Variants in MAP3K13 observed in about 807,000 individuals in gnomAD.
MAP3K13 encodes the protein leucine zipper-bearing kinase.
In MAP3K13, 52 loss-of-function variants were observed where a neutral mutation model predicts 104.0. That is an observed-to-expected ratio of 0.50 (90% CI 0.40 to 0.63). The LOEUF (loss-of-function observed/expected upper bound fraction) is 0.63, where lower values mean the gene tolerates loss of function less well. Ranked by LOEUF, MAP3K13 falls within the 20% of genes least tolerant of loss-of-function variation. MAP3K13 has a pLI of 0.00. For synonymous variants in MAP3K13, 394 were observed against 442.2 expected, an observed-to-expected ratio of 0.89 and a Z score of 1.37; for missense variants, 914 against 1,218.5, an observed-to-expected ratio of 0.75 and a Z score of 3.72.
intron 8 of MAP3K13, among the ~76,000 whole-genome samples, chr3:185,464,011 C>T (rs1717266220): frequency 6.6e-6 from 1 of 152,194 alleles, no homozygotes; most frequent in Non-Finnish European, 1.5e-5. Flanking sequence ...AGGCCAGGTG[C>T]AGTGGCTCAC....
chr3:185,406,768 CTT>C (rs1713136134), intron 1 of MAP3K13, among the ~76,000 whole-genome samples: 1 of 152,114 alleles, frequency 6.6e-6, no homozygotes, highest in Admixed American at 6.5e-5. Context: ...TTAATAATGA[CTT>C]ATTTTCATAT....
intron 7 of MAP3K13, among the ~76,000 whole-genome samples, chr3:185,455,704 A>ATATATAT: frequency 7.0e-5 from 1 of 14,186 alleles, no homozygotes; most frequent in African/African-American, 1.3e-4. Context: ...TATATATATG[A>ATATATAT]GATATATATG....
chr3:185,465,429 A>G (rs1287346915), intron 8 of MAP3K13, among the ~76,000 whole-genome samples: 1 of 152,210 alleles, frequency 6.6e-6, no homozygotes, highest in Non-Finnish European at 1.5e-5. Flanking sequence ...CTTTAACTGC[A>G]TATTTCCATT....
intron 1 of MAP3K13, among the ~76,000 whole-genome samples, chr3:185,407,723 A>C (rs1713194617): frequency 6.6e-6 from 1 of 151,996 alleles, no homozygotes; most frequent in Non-Finnish European, 1.5e-5. Context: ...TGCCCCTATT[A>C]ATCAGTTCCC....
At chr3:185,288,423 A>G (rs966706493) in intron 2 of MAP3K13, among the ~76,000 whole-genome samples, 1 of 150,664 alleles carries the variant, frequency 6.6e-6, no homozygotes, top group African/African-American at 2.4e-5. Context: ...GAGAGAATAT[A>G]TATATTCCAG....
chr3:185,409,772 T>C (rs1324320443), intron 1 of MAP3K13, among the ~76,000 whole-genome samples: 1 of 152,216 alleles, frequency 6.6e-6, no homozygotes, highest in Non-Finnish European at 1.5e-5. Flanking sequence ...AAATGTGGTA[T>C]ATGTACACAA....
intron 1 of MAP3K13, among the ~76,000 whole-genome samples, chr3:185,366,133 C>T (rs1055821404): frequency 6.6e-6 from 1 of 151,470 alleles, no homozygotes; most frequent in African/African-American, 2.4e-5. Flanking sequence ...AGACAACCGC[C>T]AATCTGCTTT....
intron 2 of MAP3K13, among the ~76,000 whole-genome samples, chr3:185,302,486 A>G (rs557648750): frequency 1.3e-5 from 2 of 152,266 alleles, no homozygotes; most frequent in East Asian, 3.9e-4. Flanking sequence ...CTTTTCATTT[A>G]TTTGTGTCTT....
chr3:185,455,586 T>G (rs997671779), intron 7 of MAP3K13, among the ~76,000 whole-genome samples: 1 of 14,650 alleles, frequency 6.8e-5, no homozygotes, highest in East Asian at 1.7e-3. Context: ...ATATATATGA[T>G]ATATATGAGA....
Position 185,465,997 on chromosome 3 carries a change from G to A in MAP3K13, c.1505+134G>A. The A allele has an allele frequency of 4.2e-6, 3 of 718,888 alleles. No individual in the cohort carries two copies. The South Asian group carries it at 5.0e-5, about 12-fold the overall frequency. 44.5% of individuals were successfully genotyped at this position (718,888 alleles called of 1,614,324 possible). A position where few individuals can be genotyped will look rare whatever the true frequency, so the allele number is the denominator to read the frequency against. ...ATTCACCCAACATTCCTTCCGGGAT[G>A]TGCTATGCACAGGTCCCTGCCCCTG... On this transcript the variant is annotated intron_variant, in intron 9 of 13. Transcript: ENST00000265026.
At chr3:185,385,000 C>A (rs1711599912) in intron 1 of MAP3K13, among the ~76,000 whole-genome samples, 1 of 152,130 alleles carries the variant, frequency 6.6e-6, no homozygotes, top group Admixed American at 6.6e-5. Flanking sequence ...GAAGTCTTAG[C>A]TGTAAAATCT....
chr3:185,391,225 C>T (rs1220399347), intron 1 of MAP3K13, among the ~76,000 whole-genome samples: 5 of 152,130 alleles, frequency 3.3e-5, no homozygotes, highest in African/African-American at 1.2e-4. Context: ...CAGTAACTCC[C>T]CATTCCCCCT....
chr3:185,485,747 AGG>A lies in MAP3K13; in HGVS notation c.*3293_*3294del, dbSNP rs1718686892. 1 of 152,172 alleles carries A rather than the reference AGG, an allele frequency of 6.6e-6. No homozygotes were observed. Among genetic ancestry groups the A allele is most frequent in the East Asian group, 1.9e-4 (1 of 5,200 alleles). The allele number at this position is 152,172 out of a possible 1,614,324, so 9.4% of individuals were successfully genotyped here. Reference sequence around the variant, plus strand: ...ATAGAAAAAAAAACATAGTATATATAGGGTTTGGTACTATCAGAGTTTTTAGG... The same window carrying A: ...ATAGAAAAAAAAACATAGTATATATAGTTTGGTACTATCAGAGTTTTTAGG... On this transcript the variant is annotated 3_prime_UTR_variant, in exon 14 of 14. Transcript: ENST00000265026.
chr3:185,357,793 G>T (rs1723430327), intron 2 of MAP3K13, among the ~76,000 whole-genome samples: 2 of 152,144 alleles, frequency 1.3e-5, no homozygotes, highest in Admixed American at 6.5e-5. Flanking sequence ...ACACATTAAA[G>T]CTTCATTAAG....
rs1422493164 is a variant in MAP3K13 at position 185,454,603 on chromosome 3, A to ATAT, written c.1278+3208_1278+3209insTAT. On this transcript the variant is annotated intron_variant, in intron 7 of 13. Transcript: ENST00000265026. ...TATATATGATATATAGATATATATG[A>ATAT]GATATATATGATATATATATGAGAT... Among the ~76,000 whole-genome samples, 3 of 48,024 alleles carry ATAT rather than the reference A, an allele frequency of 6.2e-5. No individual in the cohort carries two copies. The East Asian group carries it at 1.4e-3, about 23-fold the overall frequency. 31.5% of individuals were successfully genotyped at this position (48,024 alleles called of 152,430 possible).
intron 10 of MAP3K13, among the ~76,000 whole-genome samples, chr3:185,471,381 AG>A (rs1717772951): frequency 6.8e-6 from 1 of 146,898 alleles, no homozygotes; most frequent in Non-Finnish European, 1.5e-5. Flanking sequence ...CCTGGCCTCA[AG>A]CAATCCTCCT....
chr3:185,435,002 T>TTTG lies in MAP3K13; in HGVS notation c.476-2430_476-2428dup, dbSNP rs373365308. ...ATTTTTGTTTTTGTTTGTTTGTTTG[T>TTTG]TTGTTGTTGTTGTTGTTTTGAGACA... On this transcript the variant is annotated intron_variant, in intron 2 of 13. Transcript: ENST00000265026. 3.5e-3 allele frequency among the ~76,000 whole-genome samples: 527 copies of TTTG among 151,380 alleles called. 3 individuals are homozygous for TTTG. Among genetic ancestry groups the TTTG allele is most frequent in the African/African-American group, 0.011 (461 of 41,058 alleles).
At chr3:185,458,081 A>T (rs562787155) in intron 7 of MAP3K13, among the ~76,000 whole-genome samples, 2 of 152,340 alleles carry the variant, frequency 1.3e-5, no homozygotes, top group South Asian at 4.1e-4. Context: ...AGATGTCATT[A>T]TTCTTGGCTG....
At chr3:185,291,115 TC>T (rs1357983973) in intron 2 of MAP3K13, among the ~76,000 whole-genome samples, 2 of 152,230 alleles carry the variant, frequency 1.3e-5, no homozygotes, top group Non-Finnish European at 2.9e-5. Context: ...TGTTTCTTTT[TC>T]TCCCTGTTTA....
Sources: gnomAD v4.1 joint callset for allele counts (sites outside exome capture counted in the v4.1 genomes callset) on GRCh38, gnomAD v4.1.1 for gene constraint, MANE v1.5 for transcripts, NCBI Gene and HGNC (gene_info 2026-07-23, HGNC 2026-07-21) for gene names.